The following TBC1D5 variants were observed in gnomAD, a reference collection of about 807,000 sequenced individuals.
TBC1D5 encodes the protein TBC1 domain family, member 5.
TBC1D5 carries 75 observed loss-of-function variants against 100.3 expected under a neutral mutation model. That is an observed-to-expected ratio of 0.75 (90% CI 0.62 to 0.91). The LOEUF (loss-of-function observed/expected upper bound fraction) is 0.91, where lower values mean the gene tolerates loss of function less well. Ranked by LOEUF, TBC1D5 falls within the 40% of genes least tolerant of loss-of-function variation. TBC1D5 has a pLI of 0.00. For missense variants in TBC1D5, 910 were observed against 942.4 expected (o/e 0.97, Z 0.45); for synonymous variants, 323 against 325.6 (o/e 0.99, Z 0.09).
At chr3:17,239,877 C>G (rs1262794033) in intron 16 of TBC1D5, among the ~76,000 whole-genome samples, 37 of 152,090 alleles carry the variant, frequency 2.4e-4, no homozygotes, top group Non-Finnish European at 2.9e-5. Flanking sequence ...AGCTCCATGA[C>G]AATATTGAAG....
chr3:17,227,234 G>T (rs1047890852), intron 17 of TBC1D5, among the ~76,000 whole-genome samples: 1 of 152,144 alleles, frequency 6.6e-6, no homozygotes, highest in Admixed American at 6.5e-5. Flanking sequence ...AATGGTCGTG[G>T]TGGGTCAGGG....
At chr3:17,220,555 T>G (rs573528722) in intron 17 of TBC1D5, among the ~76,000 whole-genome samples, 1 of 152,188 alleles carries the variant, frequency 6.6e-6, no homozygotes, top group Non-Finnish European at 1.5e-5. Flanking sequence ...TTCTTTTATG[T>G]CTTTTATTTT....
chr3:17,252,264 T>G (rs974538690), intron 16 of TBC1D5, among the ~76,000 whole-genome samples: 20 of 152,284 alleles, frequency 1.3e-4, no homozygotes, highest in Admixed American at 9.8e-4. Context: ...GGTATTTCAT[T>G]TGATAAAATT....
At chr3:17,639,693 G>C (rs567649758) in intron 1 of TBC1D5, among the ~76,000 whole-genome samples, 1 of 152,062 alleles carries the variant, frequency 6.6e-6, no homozygotes, top group Non-Finnish European at 1.5e-5. Context: ...GTCTGAGTAC[G>C]CTTTGAAGGT....
intron 1 of TBC1D5, among the ~76,000 whole-genome samples, chr3:17,688,077 CT>C (rs2070571121): frequency 6.6e-6 from 1 of 152,078 alleles, no homozygotes; most frequent in Non-Finnish European, 1.5e-5. Context: ...TAGGGATAAT[CT>C]TAGAATCGAA....
At chr3:17,480,112 G>A (rs1444448526) in intron 3 of TBC1D5, among the ~76,000 whole-genome samples, 1 of 152,214 alleles carries the variant, frequency 6.6e-6, no homozygotes, top group Admixed American at 6.5e-5. Flanking sequence ...AGCTGGGTGT[G>A]CACACACATA....
At chr3:17,556,752 A>G (rs1460703524) in intron 2 of TBC1D5, among the ~76,000 whole-genome samples, 1 of 152,246 alleles carries the variant, frequency 6.6e-6, no homozygotes, top group African/African-American at 2.4e-5. Context: ...CTTTCCATAA[A>G]TGATTGTTAT....
chr3:17,626,729 G>C (rs561801028), intron 1 of TBC1D5, among the ~76,000 whole-genome samples: 1 of 152,292 alleles, frequency 6.6e-6, no homozygotes, highest in South Asian at 2.1e-4. Flanking sequence ...GGCCATCATA[G>C]AGTAAAATGC....
intron 1 of TBC1D5, among the ~76,000 whole-genome samples, chr3:17,639,450 A>T (rs774913190): frequency 7.3e-5 from 11 of 151,722 alleles, no homozygotes; most frequent in Non-Finnish European, 1.3e-4. Flanking sequence ...TCATGGTGAC[A>T]GCCACACAAT....
At chr3:17,433,518 G>C (rs945796063) in intron 3 of TBC1D5, among the ~76,000 whole-genome samples, 1 of 151,980 alleles carries the variant, frequency 6.6e-6, no homozygotes, top group Non-Finnish European at 1.5e-5. Context: ...ACTATCACAA[G>C]AGCAGCATGG....
intron 13 of TBC1D5, among the ~76,000 whole-genome samples, chr3:17,350,428 C>CT (rs2090425085): frequency 6.6e-6 from 1 of 152,102 alleles, no homozygotes; most frequent in African/African-American, 2.4e-5. Context: ...CAAAGAGCTG[C>CT]TTTTTTGTTA....
chr3:17,380,039 CTGTGTATGTGTG>C (rs1397487357), intron 9 of TBC1D5, among the ~76,000 whole-genome samples: 2,460 of 100,100 alleles, frequency 0.025, 61 homozygotes, highest in African/African-American at 0.063. Context: ...ACAGCTGTGA[CTGTGTATGTGTG>C]TGTGTGTGTG....
rs563243311 is a variant in TBC1D5, at chr3:17,185,012, A to G, written c.1852+97T>C. 1.0e-5 allele frequency: 10 copies of G among 1,003,326 alleles called. No individual in the cohort carries two copies. The African/African-American group carries it at 1.4e-4, about 15-fold the overall frequency. 62.2% of individuals were successfully genotyped at this position (1,003,326 alleles called of 1,614,324 possible). A position where few individuals can be genotyped will look rare whatever the true frequency, so the allele number is the denominator to read the frequency against. On this transcript the variant is annotated intron_variant, in intron 19 of 21. Transcript: ENST00000253692. The stretch of plus-strand genomic sequence containing the variant: ...TTGTAAGGATTAAATAAGGTAATTC[A>G]TGTAAACAGCTTAGCACAAGGCCTA...
At chr3:17,588,608 C>A (rs998833074) in intron 2 of TBC1D5, among the ~76,000 whole-genome samples, 4 of 152,238 alleles carry the variant, frequency 2.6e-5, no homozygotes, top group African/African-American at 9.6e-5. Context: ...CTCAGACCAC[C>A]TCTTTTTTCT....
chr3:17,422,245 T>C (rs936569034), intron 4 of TBC1D5, among the ~76,000 whole-genome samples: 1 of 152,188 alleles, frequency 6.6e-6, no homozygotes, highest in Non-Finnish European at 1.5e-5. Context: ...CTTGGCTCAC[T>C]GCAACCTCCG....
intron 1 of TBC1D5, among the ~76,000 whole-genome samples, chr3:17,638,719 G>T (rs2064208086): frequency 1.3e-5 from 2 of 152,052 alleles, no homozygotes; most frequent in Admixed American, 1.3e-4. Flanking sequence ...ATTATGGCTG[G>T]ATTTTTACTA....
At chr3:17,499,939 G>T (rs1313055030) in intron 3 of TBC1D5, among the ~76,000 whole-genome samples, 1 of 149,294 alleles carries the variant, frequency 6.7e-6, no homozygotes, top group Non-Finnish European at 1.5e-5. Flanking sequence ...AGGAATACTA[G>T]AAAGGATGGT....
chr3:17,655,458 ATAAT>A (rs1470993778), intron 1 of TBC1D5, among the ~76,000 whole-genome samples: 2 of 105,404 alleles, frequency 1.9e-5, no homozygotes, highest in Admixed American at 2.2e-4. Context: ...AAGTATAATA[ATAAT>A]TAAATTAAAT....
intron 2 of TBC1D5, chr3:17,586,470 G>C (rs748058771): frequency 1.1e-4 from 17 of 151,908 alleles, no homozygotes; most frequent in Non-Finnish European, 2.4e-4. Context: ...CACAAGTCTT[G>C]GTTTGCAAAC....
Sources: gnomAD v4.1 joint callset for allele counts (sites outside exome capture counted in the v4.1 genomes callset) on GRCh38, gnomAD v4.1.1 for gene constraint, MANE v1.5 for transcripts, NCBI Gene and HGNC (gene_info 2026-07-23, HGNC 2026-07-21) for gene names.